The following ARHGEF16 variants were observed in gnomAD, a reference collection of about 807,000 sequenced individuals.
ARHGEF16 encodes Rho guanine nucleotide exchange factor 16.
Under a neutral mutation model 74.1 loss-of-function variants are expected in ARHGEF16, and 59 were observed. The ratio of observed to expected loss-of-function variants is 0.80; its 90% CI spans 0.65 to 0.99. The LOEUF (loss-of-function observed/expected upper bound fraction) is 0.99. ARHGEF16 is among the 50% of genes least tolerant of loss of function. The pLI is 0.00. For synonymous variants in ARHGEF16, 415 were observed against 412.6 expected (o/e 1.01, Z -0.07); for missense variants, 948 against 986.6 (o/e 0.96, Z 0.52).
At chr1:3,478,700 T>C (rs1022664452) in intron 12 of ARHGEF16, 88 bp downstream of exon 12, 22 of 1,420,400 alleles carry the variant, frequency 1.5e-5, no homozygotes, top group Middle Eastern at 2.5e-4. Context: ...TGCTCGCTGT[T>C]GCATGGCTGG....
intron 1 of ARHGEF16, 134 bp from the exon 2 acceptor site, chr1:3,462,932 G>T: frequency 1.8e-6 from 1 of 554,406 alleles, no homozygotes; most frequent in Non-Finnish European, 3.0e-6. Flanking sequence ...TGGCTGCGTC[G>T]CTGTCCTTGC....
intron 6 of ARHGEF16, chr1:3,472,754 G>A (rs1037281447): frequency 6.6e-5 from 18 of 271,000 alleles, no homozygotes; most frequent in African/African-American, 3.6e-4. Flanking sequence ...AGGACAGGAG[G>A]TCCAAATGGG....
intron 8 of ARHGEF16, 193 bp downstream of exon 8, chr1:3,473,715 C>T: frequency 2.1e-6 from 2 of 934,710 alleles, no homozygotes; most frequent in Middle Eastern, 2.2e-4. Context: ...CCACAGAGCT[C>T]ACTGTGCCGG....
chr1:3,466,071 G>A (rs1005847801), intron 2 of ARHGEF16, 77 bp from the exon 3 acceptor site: 1 of 1,492,720 alleles, frequency 6.7e-7, no homozygotes, highest in Non-Finnish European at 9.1e-7. Context: ...AGGTCTCTGG[G>A]GTCCCAGGGC....
At position 3,466,191 on chromosome 1, in the gene ARHGEF16, A is replaced by C; in HGVS notation, c.632A>C (p.Asp211Ala). 6.5e-7 allele frequency: 1 copy of C among 1,543,032 alleles called. No individual in the cohort carries two copies. Among genetic ancestry groups the C allele is most frequent in the Non-Finnish European group, 8.7e-7 (1 of 1,143,620 alleles). ...RKRGHKGSFK[D>A]DPQLYQEIQE... ...CGTGGGCACAAGGGTTCCTTCAAGG[A>C]CGGTGAGTGTGGCTTCGGGAGGCAC... The change falls in exon 3 of 15, where the codon GAC becomes GCC. Residue 211 changes from aspartate to alanine, a missense_variant and splice_region_variant. Asp to Ala is a moderately radical substitution (Grantham distance 126, BLOSUM62 -2). Coordinates refer to ENST00000378378, the MANE Select transcript of ARHGEF16 (RefSeq NM_014448.4).
In ARHGEF16 at chr1:3,467,749, T is replaced by A. The variant is rs139274943; in HGVS notation, c.804+412T>A. Among the ~76,000 whole-genome samples the A allele has an allele frequency of 3.3e-5, 5 of 152,024 alleles. No homozygotes were observed. In the East Asian group the frequency reaches 9.7e-4, roughly 29 times the overall value. ...ACTCCTTCACTTTCCATATCTGAAA[T>A]TGGGGGCCCGTCCCTGCCCTGCAGG... On this transcript the variant is annotated intron_variant, in intron 4 of 14. Coordinates refer to ENST00000378378, the MANE Select transcript of ARHGEF16 (RefSeq NM_014448.4).
intron 2 of ARHGEF16, among the ~76,000 whole-genome samples, chr1:3,465,174 C>T (rs1639506524): frequency 6.6e-6 from 1 of 152,262 alleles, no homozygotes; most frequent in Non-Finnish European, 1.5e-5. Flanking sequence ...TCAGCAGACA[C>T]TTCTGGGCAC....
rs1401915419 is a variant in ARHGEF16, at chr1:3,454,750, C to T, written c.-81C>T. ...GAAGCGGCTGCAGGACAGGACAGGACCCGGCGCTGGAAGCTGCACCGCCAG... is the reference window on the plus strand; with the variant it reads ...GAAGCGGCTGCAGGACAGGACAGGATCCGGCGCTGGAAGCTGCACCGCCAG... On this transcript the variant is annotated 5_prime_UTR_variant, in exon 1 of 15. Coordinates refer to ENST00000378378, the MANE Select transcript of ARHGEF16 (RefSeq NM_014448.4). The T allele has an allele frequency of 6.6e-6, 1 of 152,324 alleles. No individual in the cohort carries two copies. Among genetic ancestry groups the T allele is most frequent in the Non-Finnish European group, 1.5e-5 (1 of 68,170 alleles). 9.4% of individuals were successfully genotyped at this position (152,324 alleles called of 1,614,324 possible).
intron 2 of ARHGEF16, among the ~76,000 whole-genome samples, chr1:3,465,463 C>T (rs1639515157): frequency 1.3e-5 from 2 of 151,956 alleles, no homozygotes. Flanking sequence ...CTGGGGGAGT[C>T]CTTGAGGTGG....
intron 8 of ARHGEF16, 130 bp from the exon 9 acceptor site, chr1:3,474,578 G>A (rs1639829781): frequency 2.5e-6 from 2 of 791,050 alleles, no homozygotes; most frequent in Non-Finnish European, 2.2e-6. Context: ...GTGCTGTGGG[G>A]CCCTGCAGGA....
chr1:3,462,753 C>T (rs1639431534), intron 1 of ARHGEF16, among the ~76,000 whole-genome samples: 1 of 152,234 alleles, frequency 6.6e-6, no homozygotes. Context: ...AGCAGTGTGG[C>T]CTCCCAACCT....
intron 8 of ARHGEF16, 86 bp from the exon 9 acceptor site, chr1:3,474,622 C>A: frequency 1.5e-6 from 2 of 1,321,658 alleles, no homozygotes; most frequent in East Asian, 2.3e-5. Flanking sequence ...CACCCTGCAG[C>A]CCCACACGGG....
In ARHGEF16 at chr1:3,476,010, G is replaced by A. The variant is rs147480195; in HGVS notation, c.1421G>A (p.Arg474His). The change falls in exon 10 of 15, where the codon CGC becomes CAC. Residue 474 changes from arginine (R) to histidine (H), a missense_variant. Coordinates refer to ENST00000378378, the MANE Select transcript of ARHGEF16 (RefSeq NM_014448.4). ...AACGAGGGGGCCCACAGGATGGAGC[G>A]CATGGAGCAGATGTACACGCTGCAC... ...QCNEGAHRME[R>H]MEQMYTLHTQ... 14 of 1,557,408 alleles carry A rather than the reference G, an allele frequency of 9.0e-6. No individual in the cohort carries two copies. The highest frequency in any genetic ancestry group is 4.1e-5 in the African/African-American group (3 of 73,532).
At chr1:3,471,353 T>A (rs1482256118) in intron 6 of ARHGEF16, among the ~76,000 whole-genome samples, 1 of 152,026 alleles carries the variant, frequency 6.6e-6, no homozygotes, top group Non-Finnish European at 1.5e-5. Flanking sequence ...TGCTGGCGCA[T>A]TCTTATATCA....
At chr1:3,464,504 C>T (rs370647550) in intron 2 of ARHGEF16, among the ~76,000 whole-genome samples, 27 of 152,262 alleles carry the variant, frequency 1.8e-4, no homozygotes, top group African/African-American at 5.5e-4. Context: ...GTAGGGGAGG[C>T]GAGCTGCCCT....
Position 3,467,172 on chromosome 1 carries a change from C to G in ARHGEF16, c.639C>G (p.Pro213=). ...RGHKGSFKDD[P]QLYQEIQERG... is the part of the protein sequence containing the mutation. ...TTACCCTCCTTCTCTCTCTAGACCCCCAGCTCTACCAGGAGATCCAGGAGC... is the reference window on the plus strand; with the variant it reads ...TTACCCTCCTTCTCTCTCTAGACCCGCAGCTCTACCAGGAGATCCAGGAGC... Residue 213 remains proline (P), a synonymous_variant, in exon 4 of 15, where the codon CCC becomes CCG. Coordinates refer to ENST00000378378, the MANE Select transcript of ARHGEF16 (RefSeq NM_014448.4). 1.3e-6 allele frequency: 2 copies of G among 1,550,454 alleles called. No individual in the cohort carries two copies. Among genetic ancestry groups the G allele is most frequent in the South Asian group, 2.4e-5 (2 of 84,034 alleles).
At chr1:3,459,303 C>T (rs1161844199) in intron 1 of ARHGEF16, among the ~76,000 whole-genome samples, 9 of 152,204 alleles carry the variant, frequency 5.9e-5, no homozygotes, top group East Asian at 1.9e-4. Context: ...GGTTGTGATC[C>T]GAGAAAGAGA....
At position 3,478,608 on chromosome 1, in the gene ARHGEF16, TC is replaced by T. The variant is rs764716939; in HGVS notation, c.1812del (p.Ala605ArgfsTer213). The part of the protein sequence containing the change: ...RQEQLLLSSD[S>X]ASDRARWIVA... ...GGAGCAGCTCCTGCTCTCCTCGGAC[TC>T]CGCGTAAGTGGGCTCCCGGGAGGGC... On this transcript the variant is annotated frameshift_variant, in exon 12 of 15. Coordinates refer to ENST00000378378, the MANE Select transcript of ARHGEF16 (RefSeq NM_014448.4). LOFTEE classifies it high-confidence loss of function. 1.2e-5 allele frequency: 20 copies of T among 1,607,008 alleles called. No homozygotes were observed. Among genetic ancestry groups the T allele is most frequent in the Non-Finnish European group, 1.6e-5 (19 of 1,176,436 alleles).
intron 12 of ARHGEF16, 129 bp downstream of exon 12, chr1:3,478,741 C>T (rs1234200012): frequency 9.3e-7 from 1 of 1,071,734 alleles, no homozygotes; most frequent in African/African-American, 1.6e-5. Context: ...CCTGGCCCTG[C>T]TGTAGGTGCT....
Sources: allele counts gnomAD v4.1 joint callset (sites outside exome capture counted in the v4.1 genomes callset), GRCh38; gene constraint gnomAD v4.1.1; transcripts MANE v1.5; gene names NCBI Gene and HGNC (gene_info 2026-07-23, HGNC 2026-07-21).